CNTN5: variants seen among roughly 807,000 people sequenced by gnomAD.
CNTN5 encodes the protein contactin-5.
In CNTN5, 77 loss-of-function variants were observed where a neutral mutation model predicts 129.1. The observed-to-expected ratio is 0.60, with a 90% CI of 0.50 to 0.72. The LOEUF (loss-of-function observed/expected upper bound fraction) is 0.72, where lower values mean the gene tolerates loss of function less well. CNTN5 is among the 30% of genes least tolerant of loss of function. CNTN5 has a pLI of 0.00. For missense variants in CNTN5, 1,478 were observed against 1,328.8 expected (o/e 1.11, Z -1.75); for synonymous variants, 509 against 465.6 (o/e 1.09, Z -1.20).
intron 2 of CNTN5, among the ~76,000 whole-genome samples, chr11:99,483,123 C>G (rs1945667344): frequency 1.5e-5 from 2 of 133,246 alleles, no homozygotes; most frequent in African/African-American, 5.7e-5. Flanking sequence ...TTGCAGTGAG[C>G]CGAGATCGCG....
At chr11:100,261,542 A>T (rs1395490145) in intron 17 of CNTN5, among the ~76,000 whole-genome samples, 4 of 152,228 alleles carry the variant, frequency 2.6e-5, no homozygotes, top group African/African-American at 9.6e-5. Flanking sequence ...ACCTGAACTC[A>T]AATTCTACTA....
chr11:99,684,956 C>G (rs1346998724), intron 3 of CNTN5, among the ~76,000 whole-genome samples: 1 of 150,856 alleles, frequency 6.6e-6, no homozygotes, highest in African/African-American at 2.4e-5. Flanking sequence ...TTAATGTCTG[C>G]TCTTATTTTT....
At chr11:99,807,626 T>A (rs1159597139) in intron 3 of CNTN5, among the ~76,000 whole-genome samples, 1 of 152,144 alleles carries the variant, frequency 6.6e-6, no homozygotes, top group Non-Finnish European at 1.5e-5. Context: ...GTAATTCTCC[T>A]GTCTCAGCCT....
chr11:99,441,036 T>C (rs1943807948), intron 2 of CNTN5, among the ~76,000 whole-genome samples: 1 of 152,124 alleles, frequency 6.6e-6, no homozygotes, highest in East Asian at 1.9e-4. Context: ...TCCAGGTTGG[T>C]CTGAAACACA....
chr11:99,342,461 G>T (rs537219354), intron 2 of CNTN5, among the ~76,000 whole-genome samples: 1 of 150,470 alleles, frequency 6.6e-6, no homozygotes, highest in Non-Finnish European at 1.5e-5. Context: ...GCAAACAGGC[G>T]TAGTGACTCA....
At chr11:100,236,393 C>T (rs1306305239) in intron 16 of CNTN5, among the ~76,000 whole-genome samples, 1 of 152,108 alleles carries the variant, frequency 6.6e-6, no homozygotes, top group South Asian at 2.1e-4. Flanking sequence ...TGAAGTTTCC[C>T]GCCTGACTGC....
At chr11:99,225,437 T>G (rs1346439749) in intron 1 of CNTN5, among the ~76,000 whole-genome samples, 2 of 152,162 alleles carry the variant, frequency 1.3e-5, no homozygotes, top group East Asian at 3.9e-4. Flanking sequence ...ACAACATAAT[T>G]TTTCACGCAG....
chr11:99,988,820 T>C, intron 8 of CNTN5, among the ~76,000 whole-genome samples: 1 of 148,498 alleles, frequency 6.7e-6, no homozygotes, highest in African/African-American at 2.5e-5. Flanking sequence ...GAAAATATTC[T>C]CCCTACCTTC....
chr11:99,408,448 G>GAGAAAGAAAGAAAGAAAGAAAGAAAGAA (rs1555137775), intron 2 of CNTN5, among the ~76,000 whole-genome samples: 4 of 78,088 alleles, frequency 5.1e-5, no homozygotes, highest in African/African-American at 1.1e-4. Context: ...AAGAAAGAAA[G>GAGAAAGAAAGAAAGAAAGAAAGAAAGAA]AGAAAGAAAG....
intron 8 of CNTN5, among the ~76,000 whole-genome samples, chr11:99,994,414 C>A (rs1360286902): frequency 6.6e-6 from 1 of 152,082 alleles, no homozygotes; most frequent in African/African-American, 2.4e-5. Context: ...AGAAAAAAAT[C>A]AAAATGAATT....
intron 21 of CNTN5, chr11:100,309,436 T>C: frequency 1.0e-6 from 1 of 968,432 alleles, no homozygotes; most frequent in African/African-American, 1.8e-5. Context: ...TATACAATCT[T>C]TCTAAGAGTT....
chr11:99,806,483 C>A (rs990082628), intron 3 of CNTN5, among the ~76,000 whole-genome samples: 2 of 151,940 alleles, frequency 1.3e-5, no homozygotes, highest in African/African-American at 4.8e-5. Flanking sequence ...ATTTCTGAAT[C>A]CATTTTTTTT....
At chr11:99,166,759 C>CT (rs10700454) in intron 1 of CNTN5, among the ~76,000 whole-genome samples, 9,727 of 143,876 alleles carry the variant, frequency 0.068, 818 homozygotes, top group East Asian at 0.37. Flanking sequence ...TTTCCTTTTT[C>CT]TTTTTTTTTT....
chr11:99,344,933 C>G (rs185217239), intron 2 of CNTN5, among the ~76,000 whole-genome samples: 1 of 152,156 alleles, frequency 6.6e-6, no homozygotes, highest in Non-Finnish European at 1.5e-5. Context: ...CATTTCTGGA[C>G]CTCTTATTGG....
intron 8 of CNTN5, among the ~76,000 whole-genome samples, chr11:99,964,085 A>C (rs946507911): frequency 1.3e-5 from 2 of 152,192 alleles, no homozygotes; most frequent in African/African-American, 2.4e-5. Flanking sequence ...TTCTAGATAT[A>C]CAATCATGTC....
intron 16 of CNTN5, among the ~76,000 whole-genome samples, chr11:100,233,531 C>T (rs943166371): frequency 3.3e-5 from 5 of 152,194 alleles, no homozygotes. Flanking sequence ...AGTAACTAAT[C>T]TTTGACCACA....
At chr11:100,000,064 G>A (rs1358655463) in intron 8 of CNTN5, among the ~76,000 whole-genome samples, 2 of 151,582 alleles carry the variant, frequency 1.3e-5, no homozygotes, top group African/African-American at 2.4e-5. Flanking sequence ...GCTAAATGAT[G>A]AGTTAATGGG....
intron 2 of CNTN5, among the ~76,000 whole-genome samples, chr11:99,538,289 C>T (rs766130109): frequency 5.3e-5 from 8 of 152,084 alleles, no homozygotes; most frequent in Non-Finnish European, 1.0e-4. Flanking sequence ...AAGCAGCACA[C>T]GTTCTATTTA....
intron 1 of CNTN5, among the ~76,000 whole-genome samples, chr11:99,038,412 T>A (rs921104759): frequency 2.0e-5 from 3 of 152,136 alleles, no homozygotes; most frequent in African/African-American, 2.4e-5. Flanking sequence ...TCTCAAATAT[T>A]TATCATTTCT....
Sources: allele counts gnomAD v4.1 joint callset (sites outside exome capture counted in the v4.1 genomes callset), GRCh38; gene constraint gnomAD v4.1.1; transcripts MANE v1.5; gene names NCBI Gene and HGNC (gene_info 2026-07-23, HGNC 2026-07-21).